TRAF3: variants seen among roughly 807,000 people sequenced by gnomAD.
The protein encoded by TRAF3 is TNF receptor associated factor 3.
A neutral mutation model predicts 62.3 loss-of-function variants in TRAF3; 13 were observed. The ratio of observed to expected loss-of-function variants is 0.21; its 90% confidence interval spans 0.14 to 0.33. TRAF3 has a LOEUF of 0.33. Among genes scored for constraint, TRAF3 ranks in the 10% least tolerant of loss-of-function variants. The pLI is 1.00. For missense variants in TRAF3, 440 were observed against 741.8 expected (o/e 0.59, Z 4.73); for synonymous variants, 269 against 283.4 (o/e 0.95, Z 0.51).
At chr14:102,896,399 C>T (rs960743020) in intron 9 of TRAF3, among the ~76,000 whole-genome samples, 1 of 152,092 alleles carries the variant, frequency 6.6e-6, no homozygotes, top group African/African-American at 2.4e-5. Context: ...GAGAGTGCAT[C>T]GTGTTTGCCT....
At chr14:102,780,231 A>G (rs1460660036) in intron 1 of TRAF3, among the ~76,000 whole-genome samples, 1 of 152,170 alleles carries the variant, frequency 6.6e-6, no homozygotes, top group Non-Finnish European at 1.5e-5. Flanking sequence ...GGAGAGGTAC[A>G]GGGGATAGGT....
intron 1 of TRAF3, among the ~76,000 whole-genome samples, chr14:102,807,127 C>T (rs1208809416): frequency 1.3e-5 from 2 of 152,106 alleles, no homozygotes; most frequent in African/African-American, 4.8e-5. Flanking sequence ...GGCCTTTCTC[C>T]ATGCTGCTGT....
intron 10 of TRAF3, among the ~76,000 whole-genome samples, chr14:102,898,885 C>T (rs1467713756): frequency 6.6e-6 from 1 of 152,158 alleles, no homozygotes; most frequent in Non-Finnish European, 1.5e-5. Flanking sequence ...AGGGGGAAGC[C>T]AAGTTGCCAA....
intron 2 of TRAF3, among the ~76,000 whole-genome samples, chr14:102,859,795 G>A (rs956303691): frequency 1.3e-5 from 2 of 152,150 alleles, no homozygotes; most frequent in Non-Finnish European, 2.9e-5. Flanking sequence ...TAGTTGTAAG[G>A]TTTTTCCTTT....
Position 102,819,986 on chromosome 14 carries a change from C to T in TRAF3, c.-156-10348C>T, listed in dbSNP as rs568825945. Reference sequence around the variant, plus strand: ...CATCTGCTTGTCACGCATTATGCAGCGTGCTGAAATACAAAGGAAGAAAAC... The same window carrying T: ...CATCTGCTTGTCACGCATTATGCAGTGTGCTGAAATACAAAGGAAGAAAAC... On this transcript the variant is annotated intron_variant, in intron 1 of 11. Transcript: ENST00000392745. 1.3e-4 allele frequency among the ~76,000 whole-genome samples: 20 copies of T among 152,316 alleles called. No homozygotes were observed. The South Asian group carries it at 2.7e-3, about 21-fold the overall frequency.
chr14:102,801,038 C>T (rs940430791), intron 1 of TRAF3, among the ~76,000 whole-genome samples: 6 of 151,982 alleles, frequency 3.9e-5, no homozygotes, highest in African/African-American at 7.2e-5. Context: ...CAGTGGCGGG[C>T]GCCTGTAGTC....
chr14:102,885,921 C>T (rs1358104263), intron 6 of TRAF3, among the ~76,000 whole-genome samples: 1 of 152,152 alleles, frequency 6.6e-6, no homozygotes, highest in East Asian at 1.9e-4. Context: ...AGGGGAAACC[C>T]TTGTGGCGAG....
chr14:102,822,297 C>A (rs1327989154), intron 1 of TRAF3, among the ~76,000 whole-genome samples: 1 of 152,096 alleles, frequency 6.6e-6, no homozygotes, highest in Non-Finnish European at 1.5e-5. Flanking sequence ...TTTCACCATG[C>A]GAGTATTTAC....
At position 102,821,891 on chromosome 14, in the gene TRAF3, A is replaced by G. The variant is rs535701011; in HGVS notation, c.-156-8443A>G. 3.9e-5 allele frequency among the ~76,000 whole-genome samples: 6 copies of G among 152,198 alleles called. No homozygotes were observed. In the East Asian group the frequency reaches 1.2e-3, roughly 29 times the overall value. On this transcript the variant is annotated intron_variant, in intron 1 of 11. Coordinates refer to ENST00000392745, the MANE Select transcript of TRAF3 (RefSeq NM_145725.3). ...ACCCAGTCTCTACTAAAAATATAAA[A>G]ATTAGCCGGGTGTGGTGGCGTGTGC...
intron 1 of TRAF3, among the ~76,000 whole-genome samples, chr14:102,793,383 G>A (rs998036443): frequency 1.3e-5 from 2 of 151,952 alleles, no homozygotes; most frequent in Admixed American, 6.6e-5. Flanking sequence ...TCGACTCCAG[G>A]CCTCAAGTGA....
At chr14:102,829,495 C>T (rs1027072326) in intron 1 of TRAF3, among the ~76,000 whole-genome samples, 14 of 152,280 alleles carry the variant, frequency 9.2e-5, no homozygotes, top group Middle Eastern at 3.4e-3. Context: ...TGTGTGATGA[C>T]CTGCCACCTC....
At chr14:102,845,356 C>G (rs958943991) in intron 2 of TRAF3, among the ~76,000 whole-genome samples, 1 of 151,764 alleles carries the variant, frequency 6.6e-6, no homozygotes, top group Non-Finnish European at 1.5e-5. Flanking sequence ...GCGCACGCCA[C>G]TAGCTCTGGC....
intron 2 of TRAF3, among the ~76,000 whole-genome samples, chr14:102,842,023 T>C (rs1197673824): frequency 1.3e-5 from 2 of 152,030 alleles, no homozygotes. Context: ...GGTGGGCAGA[T>C]CATTTGAGGT....
chr14:102,835,259 A>G (rs1254728136), intron 2 of TRAF3, among the ~76,000 whole-genome samples: 2 of 152,210 alleles, frequency 1.3e-5, no homozygotes, highest in Admixed American at 1.3e-4. Context: ...TAAGATGCTT[A>G]TTTTGAGGGT....
intron 2 of TRAF3, among the ~76,000 whole-genome samples, chr14:102,859,831 C>T (rs1329639061): frequency 6.6e-6 from 1 of 152,130 alleles, no homozygotes; most frequent in Non-Finnish European, 1.5e-5. Flanking sequence ...GGATTAGTGG[C>T]TTTATGGTGG....
intron 7 of TRAF3, among the ~76,000 whole-genome samples, chr14:102,889,225 G>T (rs1365082599): frequency 6.6e-6 from 1 of 152,104 alleles, no homozygotes; most frequent in African/African-American, 2.4e-5. Context: ...TTTGTTTATG[G>T]TCTTTAAATG....
chr14:102,852,581 C>G (rs544001254), intron 2 of TRAF3, among the ~76,000 whole-genome samples: 4 of 152,288 alleles, frequency 2.6e-5, no homozygotes, highest in Admixed American at 2.6e-4. Flanking sequence ...ATCTTTACTT[C>G]TCCTTTTAAT....
At chr14:102,864,297 C>CG (rs1887853383) in intron 2 of TRAF3, among the ~76,000 whole-genome samples, 1 of 151,780 alleles carries the variant, frequency 6.6e-6, no homozygotes, top group African/African-American at 2.4e-5. Flanking sequence ...TACAGGCACC[C>CG]GCCACCACGC....
At chr14:102,849,883 G>A (rs1412078088) in intron 2 of TRAF3, among the ~76,000 whole-genome samples, 1 of 152,204 alleles carries the variant, frequency 6.6e-6, no homozygotes, top group Non-Finnish European at 1.5e-5. Flanking sequence ...TCACTTGGAC[G>A]ATACCTTTAA....
Sources: gnomAD v4.1 joint callset for allele counts (sites outside exome capture counted in the v4.1 genomes callset) on GRCh38, gnomAD v4.1.1 for gene constraint, MANE v1.5 for transcripts, NCBI Gene and HGNC (gene_info 2026-07-23, HGNC 2026-07-21) for gene names.